DSCAM: variants seen among roughly 807,000 people sequenced by gnomAD.
DSCAM encodes the protein cell adhesion molecule DSCAM.
Under a neutral mutation model 217.7 loss-of-function variants are expected in DSCAM, and 47 were observed. That is an observed-to-expected ratio of 0.22 (90% CI 0.17 to 0.28). The LOEUF (loss-of-function observed/expected upper bound fraction) is 0.28. Ranked by LOEUF, DSCAM falls within the 10% of genes least tolerant of loss-of-function variation. The probability of loss-of-function intolerance (pLI) is 1.00; values close to 1 mark genes in which losing one functional copy is unlikely to be tolerated. For synonymous variants in DSCAM, 1,056 were observed against 1,015.3 expected, an observed-to-expected ratio of 1.04 and a Z score of -0.76; for missense variants, 2,080 against 2,618.3, an observed-to-expected ratio of 0.79 and a Z score of 4.49.
chr21:40,676,486 G>A (rs1297581245), intron 3 of DSCAM, among the ~76,000 whole-genome samples: 1 of 152,200 alleles, frequency 6.6e-6, no homozygotes, highest in African/African-American at 2.4e-5. Flanking sequence ...GAATTGTGTC[G>A]AATTCAGTAA....
chr21:40,318,455 G>A (rs2074224870), intron 8 of DSCAM, among the ~76,000 whole-genome samples: 1 of 152,048 alleles, frequency 6.6e-6, no homozygotes, highest in Admixed American at 6.5e-5. Context: ...TTAGCCTAGG[G>A]GCCGAGGACT....
intron 3 of DSCAM, among the ~76,000 whole-genome samples, chr21:40,561,951 T>C (rs16999997): frequency 0.066 from 9,975 of 152,276 alleles, 407 homozygotes; most frequent in East Asian, 0.18. Context: ...TATTTTTCAT[T>C]ATTAAAAAGT....
chr21:40,187,846 T>C (rs2090911756), intron 13 of DSCAM, 45 bp downstream of exon 13: 7 of 1,519,366 alleles, frequency 4.6e-6, no homozygotes, highest in Non-Finnish European at 5.5e-6. Context: ...ACAGCTCCCA[T>C]CCTGAAATGA....
intron 20 of DSCAM, among the ~76,000 whole-genome samples, chr21:40,097,954 AAAAGAAAGAAAG>A (rs61675667): frequency 0.017 from 853 of 51,424 alleles, 61 homozygotes; most frequent in African/African-American, 0.025. Flanking sequence ...AAAAAAAAAA[AAAAGAAAGAAAG>A]AAAGAAAGAA....
chr21:40,224,294 T>C (rs936104004), intron 11 of DSCAM, among the ~76,000 whole-genome samples: 4 of 152,252 alleles, frequency 2.6e-5, no homozygotes, highest in Non-Finnish European at 5.9e-5. Context: ...AGAATAAATC[T>C]GGTGATAAAT....
chr21:40,648,263 A>ACG (rs1244001133), intron 3 of DSCAM, among the ~76,000 whole-genome samples: 4 of 148,890 alleles, frequency 2.7e-5, no homozygotes, highest in African/African-American at 1.0e-4. Flanking sequence ...ACACACACAC[A>ACG]CACACACACA....
At chr21:40,336,783 G>C (rs2074433901) in intron 8 of DSCAM, among the ~76,000 whole-genome samples, 1 of 152,198 alleles carries the variant, frequency 6.6e-6, no homozygotes. Flanking sequence ...TGACTGAGAA[G>C]AGAGTCAATG....
At chr21:40,462,551 T>C (rs893676206) in intron 3 of DSCAM, among the ~76,000 whole-genome samples, 4 of 152,166 alleles carry the variant, frequency 2.6e-5, no homozygotes, top group Non-Finnish European at 4.4e-5. Flanking sequence ...CCAAGACCCA[T>C]GGAATTAGAA....
At chr21:40,823,529 A>G (rs1205293181) in intron 1 of DSCAM, among the ~76,000 whole-genome samples, 1 of 152,126 alleles carries the variant, frequency 6.6e-6, no homozygotes, top group African/African-American at 2.4e-5. Context: ...ATACTACATA[A>G]CAAAAAATAT....
In DSCAM at chr21:40,276,978, A is replaced by C. The variant is rs192577454; in HGVS notation, c.2183-708T>G. Among the ~76,000 whole-genome samples the C allele has an allele frequency of 5.0e-3, 768 of 152,258 alleles. 6 individuals are homozygous for C. The highest frequency in any genetic ancestry group is 7.9e-3 in the Non-Finnish European group (540 of 68,022). ...GGATTTATATACAACTGGGTAAAAAAAAAAAGGATTTTAGAAATAATGAAA... is the reference window on the plus strand; with the variant it reads ...GGATTTATATACAACTGGGTAAAAACAAAAAGGATTTTAGAAATAATGAAA... On this transcript the variant is annotated intron_variant, in intron 10 of 32. Transcript: ENST00000400454.
chr21:40,503,482 A>T (rs1297060978), intron 3 of DSCAM, among the ~76,000 whole-genome samples: 2 of 152,208 alleles, frequency 1.3e-5, no homozygotes, highest in Non-Finnish European at 2.9e-5. Context: ...ATGCACTTAT[A>T]ACAAGACTAG....
intron 3 of DSCAM, among the ~76,000 whole-genome samples, chr21:40,546,259 C>T (rs1017661526): frequency 5.3e-5 from 8 of 152,230 alleles, no homozygotes; most frequent in Non-Finnish European, 1.2e-4. Context: ...TGGGGGTCCA[C>T]ACACTCAGGG....
intron 3 of DSCAM, among the ~76,000 whole-genome samples, chr21:40,628,947 A>G (rs1315146477): frequency 6.6e-6 from 1 of 152,084 alleles, no homozygotes; most frequent in Non-Finnish European, 1.5e-5. Flanking sequence ...GGGGTTTGAC[A>G]TGTTGCCCAG....
intron 9 of DSCAM, among the ~76,000 whole-genome samples, chr21:40,310,805 T>C (rs537499177): frequency 2.6e-5 from 4 of 152,344 alleles, no homozygotes; most frequent in Admixed American, 2.0e-4. Flanking sequence ...CTTTTTTATT[T>C]ATCTTTCAAA....
chr21:40,419,164 G>A (rs1257604863), intron 3 of DSCAM, among the ~76,000 whole-genome samples: 1 of 143,744 alleles, frequency 7.0e-6, no homozygotes, highest in Non-Finnish European at 1.5e-5. Flanking sequence ...TGTAGTTTTA[G>A]TAGAGATGGG....
intron 26 of DSCAM, among the ~76,000 whole-genome samples, chr21:40,077,747 G>C (rs578127537): frequency 2.0e-4 from 31 of 152,314 alleles, no homozygotes; most frequent in Admixed American, 7.8e-4. Flanking sequence ...TCAATAAAGG[G>C]TTTGGGTGTT....
chr21:40,142,763 AC>A (rs200340988), intron 17 of DSCAM, 59 bp from the exon 18 acceptor site: 2 of 1,038,786 alleles, frequency 1.9e-6, no homozygotes, highest in South Asian at 5.5e-5. Flanking sequence ...CAAAGCAATA[AC>A]CGAAAAAGCA....
At chr21:40,373,244 G>A (rs1210473359) in intron 3 of DSCAM, among the ~76,000 whole-genome samples, 1 of 152,198 alleles carries the variant, frequency 6.6e-6, no homozygotes, top group East Asian at 1.9e-4. Flanking sequence ...CAGAAAGCAG[G>A]CATGCATGAT....
chr21:40,547,633 C>T (rs1317666124), intron 3 of DSCAM, among the ~76,000 whole-genome samples: 1 of 152,050 alleles, frequency 6.6e-6, no homozygotes, highest in Non-Finnish European at 1.5e-5. Flanking sequence ...GAGTTTCCTG[C>T]ACAAGTACAA....
Sources: gnomAD v4.1 joint callset for allele counts (sites outside exome capture counted in the v4.1 genomes callset) on GRCh38, gnomAD v4.1.1 for gene constraint, MANE v1.5 for transcripts, NCBI Gene and HGNC (gene_info 2026-07-23, HGNC 2026-07-21) for gene names.